The following BANK1 variants were observed in gnomAD, a reference collection of about 807,000 sequenced individuals.
The protein encoded by BANK1 is B cell scaffold protein with ankyrin repeats 1.
In BANK1, 95 loss-of-function variants were observed where a neutral mutation model predicts 94.5. The observed-to-expected ratio is 1.00, with a 90% CI of 0.85 to 1.19. The LOEUF (loss-of-function observed/expected upper bound fraction) is 1.19. Among genes scored for constraint, BANK1 ranks in the 50% most tolerant of loss-of-function variants. The pLI is 0.00. For synonymous variants in BANK1, 334 were observed against 308.4 expected (o/e 1.08, Z -0.87); for missense variants, 987 against 932.2 (o/e 1.06, Z -0.77).
At chr4:101,881,250 T>TA (rs1486619379) in intron 5 of BANK1, among the ~76,000 whole-genome samples, 1 of 151,586 alleles carries the variant, frequency 6.6e-6, no homozygotes, top group African/African-American at 2.4e-5. Context: ...TAATCCAGTT[T>TA]AAAAAAACAA....
In BANK1 at chr4:101,977,809, C is replaced by A. The variant is rs1180925780; in HGVS notation, c.1207-43705C>A. ...AAAGACAAAAATGATAGAACTATTA[C>A]AAGAATTGCTATTTTAAAAATACCT... is the stretch of plus-strand genomic sequence containing the variant. On this transcript the variant is annotated intron_variant, in intron 7 of 16. Coordinates refer to ENST00000322953, the MANE Select transcript of BANK1 (RefSeq NM_017935.5). 2.6e-5 allele frequency among the ~76,000 whole-genome samples: 4 copies of A among 152,204 alleles called. No individual in the cohort carries two copies. In the East Asian group the frequency reaches 7.7e-4, roughly 29 times the overall value.
intron 1 of BANK1, among the ~76,000 whole-genome samples, chr4:101,818,872 A>ATTTTTTTT (rs70964193): frequency 7.3e-6 from 1 of 136,156 alleles, no homozygotes. Context: ...AGATTACTGT[A>ATTTTTTTT]TTTTTTTTTT....
intron 11 of BANK1, among the ~76,000 whole-genome samples, chr4:102,055,424 G>T (rs1282847952): frequency 1.3e-5 from 2 of 151,908 alleles, no homozygotes; most frequent in Admixed American, 6.6e-5. Context: ...TCGTGTTAGG[G>T]ATAGAAACAA....
In BANK1 at chr4:101,850,617, A is replaced by AT. The variant is rs574425488; in HGVS notation, c.470-4412dup. Among the ~76,000 whole-genome samples, 641 of 152,076 alleles carry AT rather than the reference A, an allele frequency of 4.2e-3. 3 individuals are homozygous for AT. The highest frequency in any genetic ancestry group is 7.7e-3 in the South Asian group (37 of 4,806). On this transcript the variant is annotated intron_variant, in intron 2 of 16. Transcript: ENST00000322953. Reference sequence around the variant, plus strand: ...CTTTTTTGTGCTACACAGACACTGCATTTTTTACAAATTGAAGGTTTGTGG... The same window carrying AT: ...CTTTTTTGTGCTACACAGACACTGCATTTTTTTACAAATTGAAGGTTTGTGG...
intron 2 of BANK1, among the ~76,000 whole-genome samples, chr4:101,845,528 C>A (rs1319569645): frequency 1.3e-5 from 2 of 152,068 alleles, no homozygotes; most frequent in Admixed American, 6.6e-5. Context: ...TTTTTCAAAT[C>A]CATTTTAGAC....
intron 6 of BANK1, among the ~76,000 whole-genome samples, chr4:101,898,440 A>G (rs1457797431): frequency 6.6e-6 from 1 of 152,116 alleles, no homozygotes; most frequent in African/African-American, 2.4e-5. Flanking sequence ...TACCCCAGGT[A>G]TCTATCCTGA....
At chr4:101,838,001 C>A (rs1398483574) in intron 2 of BANK1, among the ~76,000 whole-genome samples, 1 of 151,564 alleles carries the variant, frequency 6.6e-6, no homozygotes, top group African/African-American at 2.4e-5. Flanking sequence ...GCTCTGTCAC[C>A]CAGGCTGGAG....
intron 6 of BANK1, among the ~76,000 whole-genome samples, chr4:101,909,555 A>C (rs537687823): frequency 1.1e-3 from 173 of 152,234 alleles, no homozygotes; most frequent in African/African-American, 2.9e-3. Flanking sequence ...CACACACACA[A>C]AAAAATGCCT....
rs551984161 is a variant in BANK1 at position 102,018,612 on chromosome 4, A to T, written c.1207-2902A>T. 3.3e-5 allele frequency among the ~76,000 whole-genome samples: 5 copies of T among 152,342 alleles called. No homozygotes were observed. The East Asian group carries it at 9.6e-4, about 29-fold the overall frequency. On this transcript the variant is annotated intron_variant, in intron 7 of 16. Coordinates refer to ENST00000322953, the MANE Select transcript of BANK1 (RefSeq NM_017935.5). Reference sequence around the variant, plus strand: ...ATGATTTTAATTTATTACATTAAACATTCTGTGCTACAAGGACTATCTGTG... The same window carrying T: ...ATGATTTTAATTTATTACATTAAACTTTCTGTGCTACAAGGACTATCTGTG...
chr4:102,011,001 G>A (rs909375941), intron 7 of BANK1, among the ~76,000 whole-genome samples: 4 of 152,114 alleles, frequency 2.6e-5, no homozygotes, highest in African/African-American at 7.2e-5. Flanking sequence ...AGTTTCAGAA[G>A]CACTTTCAAA....
At chr4:101,910,551 T>C (rs1722629666) in intron 6 of BANK1, among the ~76,000 whole-genome samples, 1 of 151,710 alleles carries the variant, frequency 6.6e-6, no homozygotes, top group South Asian at 2.1e-4. Flanking sequence ...AAAATTAGCC[T>C]GGTGTGGTGG....
intron 9 of BANK1, among the ~76,000 whole-genome samples, chr4:102,028,301 GT>G (rs1727170882): frequency 1.3e-5 from 2 of 152,136 alleles, no homozygotes; most frequent in African/African-American, 4.8e-5. Context: ...AAGTCATAAA[GT>G]CAAAATCTTA....
intron 2 of BANK1, among the ~76,000 whole-genome samples, chr4:101,850,088 A>G (rs1359869837): frequency 6.6e-6 from 1 of 152,206 alleles, no homozygotes; most frequent in Admixed American, 6.5e-5. Flanking sequence ...CCATCACTGG[A>G]TAGGGATTAT....
chr4:102,054,248 C>CTTCAACT lies in BANK1; in HGVS notation c.1970-5962_1970-5961insTCAACTT, dbSNP rs1194733047. On this transcript the variant is annotated intron_variant, in intron 11 of 16. Transcript: ENST00000322953. ...AATTTGAACTCAATTCTGTTATACT[C>CTTCAACT]TGAAGGCCAAACTTGTAATCACCTT... Among the ~76,000 whole-genome samples the CTTCAACT allele has an allele frequency of 1.9e-4, 29 of 152,222 alleles. 1 individual carries two copies. The South Asian group carries it at 6.0e-3, about 32-fold the overall frequency.
At chr4:101,931,994 A>C (rs1723365395) in intron 7 of BANK1, among the ~76,000 whole-genome samples, 1 of 151,554 alleles carries the variant, frequency 6.6e-6, no homozygotes, top group Non-Finnish European at 1.5e-5. Flanking sequence ...ATATTCCTTC[A>C]TGAGAAAATG....
At chr4:102,062,909 TTAAG>T (rs766148876) in intron 12 of BANK1, 162 bp from the exon 13 acceptor site, 93 of 579,992 alleles carry the variant, frequency 1.6e-4, no homozygotes, top group Non-Finnish European at 2.0e-4. Flanking sequence ...GCTGTGAGAA[TTAAG>T]TAAGATAACG....
intron 14 of BANK1, among the ~76,000 whole-genome samples, chr4:102,071,860 T>C (rs765776098): frequency 1.3e-5 from 2 of 152,178 alleles, no homozygotes; most frequent in Non-Finnish European, 2.9e-5. Context: ...CTCCATAGCC[T>C]GGACCAAACC....
At chr4:101,982,976 T>C (rs1176932129) in intron 7 of BANK1, among the ~76,000 whole-genome samples, 1 of 152,004 alleles carries the variant, frequency 6.6e-6, no homozygotes, top group Admixed American at 6.6e-5. Context: ...AATTTGTCCT[T>C]GAAGAATTTT....
Position 102,060,262 on chromosome 4 carries a change from C to T in BANK1, c.2021C>T (p.Thr674Ile). Residue 674 changes from threonine (T) to isoleucine (I), a missense_variant, in exon 12 of 17, where the codon ACT (threonine) becomes ATT (isoleucine). By Grantham distance (89) the Thr-to-Ile change is moderately conservative. Transcript: ENST00000322953. ...TTTTCTACTCTCAGGGGCTGTCTAA[C>T]TGATGGTCAGGAAGAACTCATCCTC... is the stretch of plus-strand genomic sequence containing the variant. Reference protein sequence around the residue: ...PAFSTLRGCLTDGQEELILLQ... With the variant: ...PAFSTLRGCLIDGQEELILLQ... 1.2e-6 allele frequency: 2 copies of T among 1,607,582 alleles called. No homozygotes were observed. The highest frequency in any genetic ancestry group is 1.7e-6 in the Non-Finnish European group (2 of 1,177,974).
Sources: gnomAD v4.1 joint callset for allele counts (sites outside exome capture counted in the v4.1 genomes callset) on GRCh38, gnomAD v4.1.1 for gene constraint, MANE v1.5 for transcripts, NCBI Gene and HGNC (gene_info 2026-07-23, HGNC 2026-07-21) for gene names.